Variants in FHDC1 observed in about 807,000 individuals in gnomAD.
FHDC1 encodes FH2 domain-containing protein 1.
FHDC1 carries 25 observed loss-of-function variants against 52.6 expected under a neutral mutation model. The ratio of observed to expected loss-of-function variants is 0.48; its 90% confidence interval spans 0.35 to 0.66. The LOEUF (loss-of-function observed/expected upper bound fraction) is 0.66, where lower values mean the gene tolerates loss of function less well. Ranked by LOEUF, FHDC1 falls within the 30% of genes least tolerant of loss-of-function variation. The pLI, the probability that FHDC1 is intolerant of heterozygous loss-of-function variation, is 0.01. For missense variants in FHDC1, 1,459 were observed against 1,452.8 expected, an observed-to-expected ratio of 1.00 and a Z score of -0.07; for synonymous variants, 616 against 581.5, an observed-to-expected ratio of 1.06 and a Z score of -0.85.
chr4:152,927,750 A>G, the FHDC1 span: 1 of 1,421,430 alleles, frequency 7.0e-7, no homozygotes, highest in Non-Finnish European at 9.9e-7. Flanking sequence ...CTAATAGAAA[A>G]GCAACAAAGA....
At chr4:152,971,233 A>G (rs1178810217) in intron 10 of FHDC1, among the ~76,000 whole-genome samples, 2 of 151,968 alleles carry the variant, frequency 1.3e-5, no homozygotes, top group Non-Finnish European at 1.5e-5. Context: ...GTGCATAGCT[A>G]TAGTCCCTGC....
chr4:152,964,701 T>A (rs1397932059), intron 8 of FHDC1, among the ~76,000 whole-genome samples: 1 of 152,256 alleles, frequency 6.6e-6, no homozygotes, highest in East Asian at 1.9e-4. Context: ...GATCAATTGC[T>A]CTGGAAAGGT....
upstream of FHDC1, among the ~76,000 whole-genome samples, chr4:152,934,505 C>T (rs572814181): frequency 6.6e-6 from 1 of 152,266 alleles, no homozygotes; most frequent in East Asian, 1.9e-4. Context: ...TCCAAGGATA[C>T]ATGTCTAGTA....
chr4:152,926,870 A>C, the FHDC1 span, among the ~76,000 whole-genome samples: 1 of 152,192 alleles, frequency 6.6e-6, no homozygotes, highest in Non-Finnish European at 1.5e-5. Flanking sequence ...TAAGCAAATC[A>C]AACAAACAAT....
At chr4:152,963,791 T>G (rs1020664563) in intron 8 of FHDC1, among the ~76,000 whole-genome samples, 2 of 135,516 alleles carry the variant, frequency 1.5e-5, no homozygotes, top group African/African-American at 3.0e-5. Context: ...TTTTTTTTTT[T>G]TTTTTTTTTT....
chr4:152,970,665 C>T (rs1031552786), intron 10 of FHDC1, among the ~76,000 whole-genome samples: 3 of 152,208 alleles, frequency 2.0e-5, no homozygotes, highest in African/African-American at 7.2e-5. Context: ...AATACCATTC[C>T]TCCATAAAGA....
At chr4:152,927,184 T>A in the FHDC1 span, among the ~76,000 whole-genome samples, 2 of 152,252 alleles carry the variant, frequency 1.3e-5, no homozygotes, top group Admixed American at 1.3e-4. Context: ...AAACTTTAGA[T>A]CTCGACCAAG....
At chr4:152,959,822 G>A (rs1158136726) in intron 4 of FHDC1, among the ~76,000 whole-genome samples, 4 of 152,152 alleles carry the variant, frequency 2.6e-5, no homozygotes, top group African/African-American at 7.2e-5. Flanking sequence ...ACATCCTAGT[G>A]TACATACTAT....
At chr4:152,926,667 TGC>T in the FHDC1 span, among the ~76,000 whole-genome samples, 1 of 152,050 alleles carries the variant, frequency 6.6e-6, no homozygotes, top group African/African-American at 2.4e-5. Flanking sequence ...TTTTTTCTTT[TGC>T]TGGCCGTTTT....
At chr4:152,968,862 G>A (rs1740547777) in intron 10 of FHDC1, among the ~76,000 whole-genome samples, 1 of 152,128 alleles carries the variant, frequency 6.6e-6, no homozygotes, top group African/African-American at 2.4e-5. Context: ...TTCTTCACTT[G>A]TTTATGTTGA....
In FHDC1 at chr4:152,962,971, G is replaced by GTGTC. The variant is rs1554041282; in HGVS notation, c.922-49_922-48insCTGT. Reference sequence around the variant, plus strand: ...TGTGTGTGTGTGTGTGTGTGTGTGTGTGTGTGTGTGTATGTATACATAATT... The same window carrying GTGTC: ...TGTGTGTGTGTGTGTGTGTGTGTGTGTGTCTGTGTGTGTGTATGTATACATAATT... On this transcript the variant is annotated intron_variant, in intron 7 of 11. Transcript: ENST00000511601. The GTGTC allele has an allele frequency of 9.2e-6, 14 of 1,519,746 alleles. No homozygotes were observed. The Admixed American group carries it at 2.2e-4, about 24-fold the overall frequency. 94.1% of individuals were successfully genotyped at this position (1,519,746 alleles called of 1,614,324 possible).
Position 152,975,208 on chromosome 4 carries a change from C to T in FHDC1, c.1917C>T (p.Arg639=). The part of the protein sequence containing the change: ...NHASAFPRAR[R]QGVSVLRKRY... ...CCTCTGCCTTCCCCAGAGCTCGGCGCCAGGGCGTCAGTGTCCTCCGAAAGA... is the reference window on the plus strand; with the variant it reads ...CCTCTGCCTTCCCCAGAGCTCGGCGTCAGGGCGTCAGTGTCCTCCGAAAGA... The change falls in exon 12 of 12, where the codon CGC becomes CGT. Residue 639 remains arginine, a synonymous_variant. Coordinates refer to ENST00000511601, the MANE Select transcript of FHDC1 (RefSeq NM_001371116.1). 6.2e-7 allele frequency: 1 copy of T among 1,613,302 alleles called. No homozygotes were observed. The highest frequency in any genetic ancestry group is 8.5e-7 in the Non-Finnish European group (1 of 1,180,034).
chr4:152,963,838 C>G (rs1240714892), intron 8 of FHDC1, among the ~76,000 whole-genome samples: 2 of 110,796 alleles, frequency 1.8e-5, no homozygotes, highest in Admixed American at 1.3e-4. Flanking sequence ...AAGTGAGGAA[C>G]AAAGTGGAAA....
chr4:152,924,657 A>T, the FHDC1 span, among the ~76,000 whole-genome samples: 1 of 152,176 alleles, frequency 6.6e-6, no homozygotes, highest in Non-Finnish European at 1.5e-5. Flanking sequence ...TGGCACATAT[A>T]CACCATGGAA....
the FHDC1 span, among the ~76,000 whole-genome samples, chr4:152,925,018 AAG>A: frequency 4.6e-5 from 7 of 151,338 alleles, no homozygotes; most frequent in East Asian, 1.9e-4. Context: ...AATAAAAAAA[AAG>A]AAGAAAAATA....
chr4:152,975,472 G>A lies in FHDC1; in HGVS notation c.2181G>A (p.Met727Ile), dbSNP rs1469742609. 4 of 1,613,366 alleles carry A rather than the reference G, an allele frequency of 2.5e-6. No individual in the cohort carries two copies. The highest frequency in any genetic ancestry group is 2.5e-6 in the Non-Finnish European group (3 of 1,179,994). ...LSASSSSLTP[M>I]GRDALGSLSP... ...CCAGCAGCAGCAGCCTGACACCCAT[G>A]GGCAGAGATGCCCTGGGGAGTCTCA... is the stretch of plus-strand genomic sequence containing the variant. The change falls in exon 12 of 12, where the codon ATG becomes ATA. Residue 727 changes from methionine to isoleucine, a missense_variant. Transcript: ENST00000511601.
At chr4:152,963,367 A>G (rs1168873251) in intron 8 of FHDC1, among the ~76,000 whole-genome samples, 1 of 152,226 alleles carries the variant, frequency 6.6e-6, no homozygotes, top group Non-Finnish European at 1.5e-5. Flanking sequence ...CCAGCTATGA[A>G]GGATTTAAGT....
intron 2 of FHDC1, among the ~76,000 whole-genome samples, chr4:152,949,124 T>TAATAAGAAGAAGAAG (rs1347590282): frequency 1.7e-3 from 129 of 74,684 alleles, no homozygotes; most frequent in East Asian, 7.4e-3. Flanking sequence ...ATAATAATAA[T>TAATAAGAAGAAGAAG]AAGAAGAAGA....
At chr4:152,959,163 CAGTT>C (rs1171609396) in intron 4 of FHDC1, among the ~76,000 whole-genome samples, 1 of 152,186 alleles carries the variant, frequency 6.6e-6, no homozygotes, top group Non-Finnish European at 1.5e-5. Flanking sequence ...TTACTGGCAA[CAGTT>C]AGCTGCAAAG....
Sources: gnomAD v4.1 joint callset for allele counts (sites outside exome capture counted in the v4.1 genomes callset) on GRCh38, gnomAD v4.1.1 for gene constraint, MANE v1.5 for transcripts, NCBI Gene and HGNC (gene_info 2026-07-23, HGNC 2026-07-21) for gene names.